The following DCHS2 variants were observed in gnomAD, a reference collection of about 807,000 sequenced individuals.
DCHS2 encodes the protein protocadherin-23.
DCHS2 carries 142 observed loss-of-function variants against 182.4 expected under a neutral mutation model. The observed-to-expected ratio is 0.78, with a 90% CI of 0.68 to 0.89. The LOEUF is 0.89. DCHS2 is among the 40% of genes least tolerant of loss of function. The pLI is 0.00. For synonymous variants in DCHS2, 1,740 were observed against 1,663.3 expected, an observed-to-expected ratio of 1.05 and a Z score of -1.12; for missense variants, 4,319 against 4,198.6, an observed-to-expected ratio of 1.03 and a Z score of -0.79.
Position 154,320,361 on chromosome 4 carries a change from A to G in DCHS2, c.5020+18T>C, listed in dbSNP as rs946883318. On this transcript the variant is annotated intron_variant, in intron 9 of 19. Coordinates refer to ENST00000357232, the MANE Select transcript of DCHS2 (RefSeq NM_001358235.2). Reference sequence around the variant, plus strand: ...ATAAAATAAAATATTTTTAAAAGTGACATATAGGGCACTGTACCTGATGAC... The same window carrying G: ...ATAAAATAAAATATTTTTAAAAGTGGCATATAGGGCACTGTACCTGATGAC... 6.3e-7 allele frequency: 1 copy of G among 1,585,888 alleles called. No individual in the cohort carries two copies.
intron 3 of DCHS2, among the ~76,000 whole-genome samples, chr4:154,341,224 C>T (rs1729069998): frequency 6.6e-6 from 1 of 151,924 alleles, no homozygotes; most frequent in Non-Finnish European, 1.5e-5. Context: ...AAAAAATTAG[C>T]CGGGCGTGGT....
chr4:154,282,711 G>T (rs1209546109), intron 13 of DCHS2, among the ~76,000 whole-genome samples: 1 of 151,856 alleles, frequency 6.6e-6, no homozygotes, highest in Non-Finnish European at 1.5e-5. Flanking sequence ...GATCTCAAAG[G>T]GATATTAGCA....
At chr4:154,470,728 A>G (rs73854794) in intron 1 of DCHS2, among the ~76,000 whole-genome samples, 2,463 of 152,328 alleles carry the variant, frequency 0.016, 41 homozygotes, top group South Asian at 0.072. Context: ...CCTGTAGTTA[A>G]ATTAGATTTA....
At chr4:154,377,557 A>G in intron 1 of DCHS2, 113 bp from the exon 2 acceptor site, 1 of 780,356 alleles carries the variant, frequency 1.3e-6, no homozygotes. Context: ...AGCTATTCAC[A>G]AAGCCTAGGC....
At position 154,418,086 on chromosome 4, in the gene DCHS2, A is replaced by G. The variant is rs115703650; in HGVS notation, c.2053-40642T>C. 3.5e-3 allele frequency among the ~76,000 whole-genome samples: 534 copies of G among 152,284 alleles called. 3 individuals are homozygous for G. Among genetic ancestry groups the G allele is most frequent in the African/African-American group, 0.012 (508 of 41,560 alleles). ...AAATATTCTTATTTTTGTAACATTT[A>G]TATTATATGGTCAAATTTCTGTCGT... On this transcript the variant is annotated intron_variant, in intron 1 of 19. Coordinates refer to ENST00000357232, the MANE Select transcript of DCHS2 (RefSeq NM_001358235.2).
At chr4:154,315,707 T>C (rs1306420036) in intron 10 of DCHS2, 41 bp downstream of exon 10, 2 of 1,593,270 alleles carry the variant, frequency 1.3e-6, no homozygotes, top group Admixed American at 1.8e-5. Context: ...CTTCAATTTC[T>C]TTTAAGCATT....
At chr4:154,469,858 A>C (rs991108962) in intron 1 of DCHS2, among the ~76,000 whole-genome samples, 7 of 152,134 alleles carry the variant, frequency 4.6e-5, no homozygotes, top group Non-Finnish European at 1.0e-4. Context: ...TCCTACTCTC[A>C]ATAAGAGCAC....
chr4:154,298,154 T>C lies in DCHS2; in HGVS notation c.6160A>G (p.Asn2054Asp). The C allele has an allele frequency of 6.2e-7, 1 of 1,614,122 alleles. No individual in the cohort carries two copies. The highest frequency in any genetic ancestry group is 8.5e-7 in the Non-Finnish European group (1 of 1,180,014). Residue 2054 changes from asparagine to aspartate, a missense_variant, in exon 13 of 20, where the codon AAC becomes GAC. Coordinates refer to ENST00000357232, the MANE Select transcript of DCHS2 (RefSeq NM_001358235.2). ...GCTCTCACAATGACAGTTGTCTGGT[T>C]TGTAGGCGACTCGGGGGAAAGAAAC... ...DVFLSPESPT[N>D]QTTVIVRADD... is the part of the protein sequence containing the mutation.
At chr4:154,486,667 T>C (rs1382925717) in intron 1 of DCHS2, 1 of 609,082 alleles carries the variant, frequency 1.6e-6, no homozygotes, top group Non-Finnish European at 2.5e-6. Flanking sequence ...TGCAAAGTGG[T>C]ATAAAGAAAG....
In DCHS2 at chr4:154,384,589, A is replaced by T; in HGVS notation, c.2053-7145T>A. ...AGTACTACCTTATATGGCAACAGACATGATTAAGTTGAGGATTTTGAGAGG... is the reference window on the plus strand; with the variant it reads ...AGTACTACCTTATATGGCAACAGACTTGATTAAGTTGAGGATTTTGAGAGG... On this transcript the variant is annotated intron_variant, in intron 1 of 19. Transcript: ENST00000357232. 4 of 1,462,146 alleles carry T rather than the reference A, an allele frequency of 2.7e-6. No homozygotes were observed. The Admixed American group carries it at 7.7e-5, about 28-fold the overall frequency. 90.6% of individuals were successfully genotyped at this position (1,462,146 alleles called of 1,614,324 possible).
intron 1 of DCHS2, among the ~76,000 whole-genome samples, chr4:154,454,791 T>G (rs1267122522): frequency 6.6e-6 from 1 of 152,230 alleles, no homozygotes; most frequent in African/African-American, 2.4e-5. Context: ...ATAGTACAGT[T>G]GCTTTTCAGA....
intron 1 of DCHS2, among the ~76,000 whole-genome samples, chr4:154,472,974 A>T (rs1735536424): frequency 6.6e-6 from 1 of 152,206 alleles, no homozygotes; most frequent in South Asian, 2.1e-4. Context: ...AAATTAATCC[A>T]TGTGAAGTAA....
At position 154,272,989 on chromosome 4, in the gene DCHS2, CT is replaced by C. The variant is rs1391127058; in HGVS notation, c.6464-2977del. ...ACTTCCTCATAGTTCCACTTCTACG[CT>C]GTTGGTGAAAATGTAAACTAGTACG... is the stretch of plus-strand genomic sequence containing the variant. On this transcript the variant is annotated intron_variant, in intron 13 of 19. Coordinates refer to ENST00000357232, the MANE Select transcript of DCHS2 (RefSeq NM_001358235.2). Among the ~76,000 whole-genome samples the C allele has an allele frequency of 5.9e-5, 9 of 152,094 alleles. No homozygotes were observed. In the East Asian group the frequency reaches 1.7e-3, roughly 29 times the overall value.
chr4:154,357,101 A>C, intron 3 of DCHS2: 1 of 647,142 alleles, frequency 1.5e-6, no homozygotes, highest in Admixed American at 2.3e-5. Context: ...ATAATCTAAC[A>C]TCAACGAACC....
intron 3 of DCHS2, among the ~76,000 whole-genome samples, chr4:154,356,187 C>T (rs528933560): frequency 8.6e-5 from 13 of 151,526 alleles, no homozygotes; most frequent in East Asian, 1.9e-4. Context: ...CTAATGTGTG[C>T]GTTTGTGTCT....
At chr4:154,300,062 G>C (rs1735135062) in intron 12 of DCHS2, among the ~76,000 whole-genome samples, 1 of 152,188 alleles carries the variant, frequency 6.6e-6, no homozygotes, top group Non-Finnish European at 1.5e-5. Flanking sequence ...GTTTTGGGGA[G>C]AGTGTTCTAT....
intron 10 of DCHS2, 137 bp downstream of exon 10, chr4:154,315,611 A>G: frequency 7.6e-7 from 1 of 1,316,514 alleles, no homozygotes; most frequent in Non-Finnish European, 1.0e-6. Context: ...GTGGATGCAA[A>G]TGAAAGAAGT....
chr4:154,308,533 C>T (rs971695167), intron 10 of DCHS2, among the ~76,000 whole-genome samples: 1 of 152,102 alleles, frequency 6.6e-6, no homozygotes, highest in Non-Finnish European at 1.5e-5. Flanking sequence ...TGCACAGATA[C>T]TGAATGTCAG....
chr4:154,267,139 C>T (rs1356277428), intron 14 of DCHS2, among the ~76,000 whole-genome samples: 1 of 152,170 alleles, frequency 6.6e-6, no homozygotes, highest in Non-Finnish European at 1.5e-5. Flanking sequence ...AATGTTACTG[C>T]GACAGCAACA....
Sources: gnomAD v4.1 joint callset for allele counts (sites outside exome capture counted in the v4.1 genomes callset) on GRCh38, gnomAD v4.1.1 for gene constraint, MANE v1.5 for transcripts, NCBI Gene and HGNC (gene_info 2026-07-23, HGNC 2026-07-21) for gene names.